PAK3: variants seen among roughly 807,000 people sequenced by gnomAD.
The protein encoded by PAK3 is serine/threonine-protein kinase PAK 3.
In PAK3, 4 loss-of-function variants were observed where a neutral mutation model predicts 41.0. The ratio of observed to expected loss-of-function variants is 0.10; its 90% CI spans 0.05 to 0.22. PAK3 has a LOEUF of 0.22. Ranked by LOEUF, PAK3 falls within the 10% of genes least tolerant of loss-of-function variation. PAK3 has a pLI of 1.00. For missense variants in PAK3, 205 were observed against 409.9 expected (o/e 0.50, Z 4.32); for synonymous variants, 146 against 139.6 (o/e 1.05, Z -0.32).
chrX:111,080,595 A>C (rs2092826280), intron 1 of PAK3, among the ~76,000 whole-genome samples: 1 of 111,844 alleles, frequency 8.9e-6, no homozygotes, highest in Admixed American at 9.5e-5. Flanking sequence ...CTGGAACCAA[A>C]CCGTCAATAT....
rs192192146 is a variant in PAK3 at position 111,103,271 on chromosome X, A to G, written c.-63A>G. On this transcript the variant is annotated 5_prime_UTR_variant, in exon 4 of 18. Transcript: ENST00000372007. ...CGGACCCTTCTCATGGGCAGTGCCCACCTGTGCTGAAGTCCTGCAGCGGTG... is the reference window on the plus strand; with the variant it reads ...CGGACCCTTCTCATGGGCAGTGCCCGCCTGTGCTGAAGTCCTGCAGCGGTG... 36 of 112,462 alleles carry G rather than the reference A, an allele frequency of 3.2e-4. No individual in the cohort carries two copies. The East Asian group carries it at 8.7e-3, about 27-fold the overall frequency. The allele number at this position is 112,462 out of a possible 1,213,427, so 9.3% of individuals were successfully genotyped here.
At chrX:111,087,502 T>C (rs1228946253) in intron 1 of PAK3, among the ~76,000 whole-genome samples, 5 of 110,124 alleles carry the variant, frequency 4.5e-5, no homozygotes, top group Non-Finnish European at 9.5e-5. Context: ...GATCTGCATC[T>C]ATCAAACACA....
intron 5 of PAK3, among the ~76,000 whole-genome samples, chrX:111,130,310 G>A (rs182828775): frequency 1.8e-4 from 20 of 111,567 alleles, no homozygotes; most frequent in African/African-American, 4.9e-4. Flanking sequence ...CTGTGAATTG[G>A]GCTTGTGGTC....
intron 16 of PAK3, among the ~76,000 whole-genome samples, chrX:111,204,839 T>A (rs2094721928): frequency 9.2e-6 from 1 of 109,261 alleles, no homozygotes; most frequent in South Asian, 3.9e-4. Flanking sequence ...TTCTTTCTTT[T>A]CTTTTGCTTT....
At chrX:110,985,984 A>T (rs2091535712) in intron 1 of PAK3, among the ~76,000 whole-genome samples, 1 of 111,876 alleles carries the variant, frequency 8.9e-6, no homozygotes, top group Non-Finnish European at 1.9e-5. Flanking sequence ...TCCAGCCCTG[A>T]GGAGCAGGTA....
rs776751232 is a variant in PAK3 at position 111,173,140 on chromosome X, A to G, written c.830+59A>G. ...AGTACAAGCAACATACATTAAAATTAAAATTCAGTAAGAGCTTGGGTTTCT... is the reference window on the plus strand; with the variant it reads ...AGTACAAGCAACATACATTAAAATTGAAATTCAGTAAGAGCTTGGGTTTCT... On this transcript the variant is annotated intron_variant, in intron 11 of 17. Coordinates refer to ENST00000372007, the MANE Select transcript of PAK3 (RefSeq NM_002578.5). The G allele has an allele frequency of 6.5e-5, 38 of 581,638 alleles. No individual in the cohort carries two copies. The African/African-American group carries it at 8.3e-4, about 13-fold the overall frequency. The allele number at this position is 581,638 out of a possible 1,213,427, so 47.9% of individuals were successfully genotyped here. A position where few individuals can be genotyped will look rare whatever the true frequency, so the allele number is the denominator to read the frequency against.
chrX:111,086,060 C>CTT (rs1555990670), intron 1 of PAK3, among the ~76,000 whole-genome samples: 1 of 17,912 alleles, frequency 5.6e-5, no homozygotes, highest in Admixed American at 7.8e-4. Flanking sequence ...GTGATGTCAG[C>CTT]TTGTGTGTGT....
chrX:111,103,984 A>G (rs1330912383), intron 4 of PAK3, among the ~76,000 whole-genome samples: 1 of 111,911 alleles, frequency 8.9e-6, no homozygotes, highest in Non-Finnish European at 1.9e-5. Context: ...ACTAGATTGT[A>G]AGCTCTTCAA....
At chrX:110,980,579 A>G (rs767770765) in intron 1 of PAK3, among the ~76,000 whole-genome samples, 4 of 111,536 alleles carry the variant, frequency 3.6e-5, no homozygotes, top group African/African-American at 1.3e-4. Context: ...TGAAAAATCA[A>G]CTCATAAAAG....
At chrX:111,161,780 A>G (rs1389592049) in intron 8 of PAK3, among the ~76,000 whole-genome samples, 2 of 111,056 alleles carry the variant, frequency 1.8e-5, no homozygotes, top group Non-Finnish European at 3.8e-5. Flanking sequence ...GGTTGTAGAT[A>G]TGTGGCATTA....
intron 1 of PAK3, among the ~76,000 whole-genome samples, chrX:111,002,441 T>C (rs758734205): frequency 2.7e-5 from 3 of 111,124 alleles, no homozygotes; most frequent in Non-Finnish European, 5.7e-5. Flanking sequence ...CAGATTTAGG[T>C]CTCCAAGAGG....
intron 7 of PAK3, 87 bp from the exon 8 acceptor site, chrX:111,152,323 G>GT: frequency 3.1e-6 from 2 of 644,191 alleles, no homozygotes; most frequent in East Asian, 3.3e-5. Context: ...AAATCATGCA[G>GT]TTTTTTAATT....
chrX:111,080,246 T>C (rs1270526888), intron 1 of PAK3, among the ~76,000 whole-genome samples: 4 of 111,528 alleles, frequency 3.6e-5, no homozygotes, highest in Non-Finnish European at 7.5e-5. Flanking sequence ...GAAGAGCCCA[T>C]TGATGTGGCA....
intron 1 of PAK3, among the ~76,000 whole-genome samples, chrX:110,997,201 T>TG (rs1012305341): frequency 6.4e-5 from 7 of 110,010 alleles, no homozygotes; most frequent in Admixed American, 9.7e-5. Flanking sequence ...TTAATGGGGT[T>TG]GGGGGGGCAG....
chrX:111,164,093 C>A (rs1411402088), intron 10 of PAK3, among the ~76,000 whole-genome samples: 1 of 111,041 alleles, frequency 9.0e-6, no homozygotes, highest in Non-Finnish European at 1.9e-5. Context: ...CCTCAAAGCC[C>A]AACACAGTCA....
At chrX:111,220,288 G>A (rs1279842783) in intron 17 of PAK3, 70 bp from the exon 18 acceptor site, 5 of 673,823 alleles carry the variant, frequency 7.4e-6, no homozygotes, top group South Asian at 6.9e-5. Flanking sequence ...AGGGCTGCTT[G>A]AAAATGTAAA....
chrX:111,209,122 T>C lies in PAK3; in HGVS notation c.1408-7299T>C, dbSNP rs749416454. Among the ~76,000 whole-genome samples, 5 of 111,488 alleles carry C rather than the reference T, an allele frequency of 4.5e-5. No homozygotes were observed. In the East Asian group the frequency reaches 1.1e-3, roughly 25 times the overall value. ...GTGGATCAATTAAACCAGTAGCTTA[T>C]ACACAGTGTGCTTCACTCCTTGAAA... On this transcript the variant is annotated intron_variant, in intron 16 of 17. Transcript: ENST00000372007.
At chrX:111,218,510 A>C (rs2094900677) in intron 17 of PAK3, among the ~76,000 whole-genome samples, 1 of 112,314 alleles carries the variant, frequency 8.9e-6, no homozygotes, top group African/African-American at 3.2e-5. Context: ...GCCTTAAAGA[A>C]GTGATCAGGT....
At chrX:111,150,435 A>G (rs1298407076) in intron 7 of PAK3, among the ~76,000 whole-genome samples, 1 of 112,013 alleles carries the variant, frequency 8.9e-6, no homozygotes, top group Non-Finnish European at 1.9e-5. Context: ...TGCTACTGAT[A>G]ATGACATACC....
Sources: allele counts gnomAD v4.1 joint callset (sites outside exome capture counted in the v4.1 genomes callset), GRCh38; gene constraint gnomAD v4.1.1; transcripts MANE v1.5; gene names NCBI Gene and HGNC (gene_info 2026-07-23, HGNC 2026-07-21).